The following TOP6BL variants were observed in gnomAD, a reference collection of about 807,000 sequenced individuals.
The protein encoded by TOP6BL is type 2 DNA topoisomerase 6 subunit B-like.
chr11:66,829,911 T>A, the TOP6BL span, among the ~76,000 whole-genome samples: 2 of 151,926 alleles, frequency 1.3e-5, no homozygotes, highest in East Asian at 1.9e-4. Flanking sequence ...AAATAAATAA[T>A]AAATAAACAA....
the TOP6BL span, among the ~76,000 whole-genome samples, chr11:66,840,246 T>G: frequency 2.0e-5 from 3 of 152,176 alleles, no homozygotes; most frequent in Non-Finnish European, 2.9e-5. Context: ...CTTTCTGGCC[T>G]TTGTCCCTCA....
the TOP6BL span, chr11:66,759,066 G>A: frequency 6.4e-7 from 1 of 1,568,206 alleles, no homozygotes; most frequent in Non-Finnish European, 8.7e-7. Context: ...AAGCCTTTTT[G>A]GTGGCATGGT....
the TOP6BL span, chr11:66,821,697 G>A: frequency 1.9e-6 from 3 of 1,612,870 alleles, no homozygotes; most frequent in Non-Finnish European, 2.5e-6. Context: ...GAGAGCCACA[G>A]TGTAGTGCAA....
the TOP6BL span, among the ~76,000 whole-genome samples, chr11:66,813,656 C>T: frequency 6.6e-6 from 1 of 151,744 alleles, no homozygotes; most frequent in East Asian, 1.9e-4. Flanking sequence ...TCACTTGAAC[C>T]TGGGAGGTGG....
the TOP6BL span, among the ~76,000 whole-genome samples, chr11:66,829,131 A>G: frequency 8.6e-5 from 13 of 151,740 alleles, no homozygotes; most frequent in African/African-American, 1.2e-4. Flanking sequence ...CACACCTGCA[A>G]TCCTAGCACT....
At chr11:66,818,000 T>G in the TOP6BL span, among the ~76,000 whole-genome samples, 2 of 152,140 alleles carry the variant, frequency 1.3e-5, no homozygotes. Context: ...GAAGTGGAGC[T>G]TATACAAATT....
At chr11:66,777,412 T>C in the TOP6BL span, among the ~76,000 whole-genome samples, 1 of 152,174 alleles carries the variant, frequency 6.6e-6, no homozygotes, top group Non-Finnish European at 1.5e-5. Context: ...GTAATACGTA[T>C]AATGCATGTA....
At chr11:66,807,605 A>C in the TOP6BL span, among the ~76,000 whole-genome samples, 1 of 152,258 alleles carries the variant, frequency 6.6e-6, no homozygotes, top group Non-Finnish European at 1.5e-5. Context: ...AAATCATAAA[A>C]GCATCAAAGA....
At chr11:66,759,792 A>G in the TOP6BL span, among the ~76,000 whole-genome samples, 6 of 152,210 alleles carry the variant, frequency 3.9e-5, no homozygotes, top group African/African-American at 1.4e-4. Context: ...CCGTGTTGCC[A>G]TGCTGGTCTC....
the TOP6BL span, among the ~76,000 whole-genome samples, chr11:66,747,890 G>A: frequency 3.9e-5 from 6 of 152,284 alleles, no homozygotes; most frequent in South Asian, 6.2e-4. Context: ...AAAGTGCTGG[G>A]ATTGCAGGCA....
At chr11:66,818,271 T>G in the TOP6BL span, among the ~76,000 whole-genome samples, 4 of 152,310 alleles carry the variant, frequency 2.6e-5, no homozygotes, top group South Asian at 8.3e-4. Context: ...CTTCTGAGCC[T>G]CTCAGAAGTA....
chr11:66,800,598 C>G, the TOP6BL span: 1 of 1,497,412 alleles, frequency 6.7e-7, no homozygotes. Flanking sequence ...TAATCTGTAT[C>G]TTGGCTCATG....
chr11:66,843,391 C>G, the TOP6BL span: 1 of 1,427,490 alleles, frequency 7.0e-7, no homozygotes, highest in African/African-American at 1.5e-5. Flanking sequence ...AGCCGCGCCG[C>G]GGCCTGACGT....
chr11:66,788,641 C>T, the TOP6BL span, among the ~76,000 whole-genome samples: 2 of 152,214 alleles, frequency 1.3e-5, no homozygotes, highest in East Asian at 3.8e-4. Context: ...GGCCTCTCTT[C>T]CTGGCTTGTA....
At chr11:66,810,171 A>G in the TOP6BL span, among the ~76,000 whole-genome samples, 2 of 152,208 alleles carry the variant, frequency 1.3e-5, no homozygotes, top group Non-Finnish European at 2.9e-5. Context: ...TACTGAGAGA[A>G]AAAAGGCAAA....
At chr11:66,800,563 T>A in the TOP6BL span, 2 of 1,137,614 alleles carry the variant, frequency 1.8e-6, no homozygotes. Context: ...ATTCTTTTCC[T>A]TTAGGGATTA....
chr11:66,822,817 A>G, the TOP6BL span: 1 of 620,796 alleles, frequency 1.6e-6, no homozygotes, highest in Non-Finnish European at 2.9e-6. Flanking sequence ...CAGCCTGGGC[A>G]ACACAGGGAG....
the TOP6BL span, chr11:66,801,048 C>T: frequency 4.3e-6 from 7 of 1,613,802 alleles, no homozygotes; most frequent in African/African-American, 8.0e-5. Flanking sequence ...AATGAACCCA[C>T]TTTGAACCTT....
At chr11:66,842,552 G>A in the TOP6BL span, among the ~76,000 whole-genome samples, 1 of 152,204 alleles carries the variant, frequency 6.6e-6, no homozygotes, top group African/African-American at 2.4e-5. Flanking sequence ...GCTTGTCAGT[G>A]CAGACTCCAG....
Sources: gnomAD v4.1 joint callset for allele counts (sites outside exome capture counted in the v4.1 genomes callset) on GRCh38, gnomAD v4.1.1 for gene constraint, MANE v1.5 for transcripts, NCBI Gene and HGNC (gene_info 2026-07-23, HGNC 2026-07-21) for gene names.